The following RBFOX1 variants were observed in gnomAD, a reference collection of about 807,000 sequenced individuals.
RBFOX1 encodes the protein RNA binding protein fox-1 homolog 1.
RBFOX1 carries 8 observed loss-of-function variants against 57.7 expected under a neutral mutation model. That is an observed-to-expected ratio of 0.14 (90% CI 0.08 to 0.25). The LOEUF (loss-of-function observed/expected upper bound fraction) is 0.25. Ranked by LOEUF, RBFOX1 falls within the 10% of genes least tolerant of loss-of-function variation. The probability of loss-of-function intolerance (pLI) is 1.00; values close to 1 mark genes in which losing one functional copy is unlikely to be tolerated. For synonymous variants in RBFOX1, 326 were observed against 222.4 expected (o/e 1.47, Z -4.15); for missense variants, 611 against 548.5 (o/e 1.11, Z -1.14).
chr16:5,637,909 T>G (rs1184583227), intron 3 of RBFOX1, among the ~76,000 whole-genome samples: 1 of 152,188 alleles, frequency 6.6e-6, no homozygotes, highest in Non-Finnish European at 1.5e-5. Context: ...CCTGTTTCCT[T>G]GGCCAAGCAC....
intron 1 of RBFOX1, among the ~76,000 whole-genome samples, chr16:6,161,453 T>C (rs568016941): frequency 6.6e-6 from 1 of 151,548 alleles, no homozygotes; most frequent in East Asian, 1.9e-4. Flanking sequence ...CTCCATCCCA[T>C]TGGCTGGGGC....
At chr16:6,817,721 C>A (rs1256238759) in intron 3 of RBFOX1, among the ~76,000 whole-genome samples, 15 of 151,020 alleles carry the variant, frequency 9.9e-5, no homozygotes, top group Admixed American at 5.9e-4. Context: ...AAAAAACAAA[C>A]AAAAAAAACT....
intron 4 of RBFOX1, among the ~76,000 whole-genome samples, chr16:7,515,767 C>T (rs1167307371): frequency 6.6e-6 from 1 of 152,166 alleles, no homozygotes; most frequent in African/African-American, 2.4e-5. Context: ...CTCTGTTCCT[C>T]AGTTTCTTCT....
intron 1 of RBFOX1, among the ~76,000 whole-genome samples, chr16:6,142,422 C>T (rs943257523): frequency 2.0e-5 from 3 of 151,822 alleles, no homozygotes; most frequent in Non-Finnish European, 2.9e-5. Context: ...GGGGTTTCAC[C>T]ATGTTAGCCA....
chr16:7,178,026 G>T (rs968481979), intron 4 of RBFOX1, among the ~76,000 whole-genome samples: 1 of 152,148 alleles, frequency 6.6e-6, no homozygotes, highest in African/African-American at 2.4e-5. Context: ...GAGAGTAAAG[G>T]CCAGCCATGT....
intron 3 of RBFOX1, among the ~76,000 whole-genome samples, chr16:6,802,626 G>C (rs538501321): frequency 6.6e-6 from 1 of 152,296 alleles, no homozygotes; most frequent in East Asian, 1.9e-4. Flanking sequence ...GCAGTGAGTT[G>C]AGATTGTGCT....
intron 1 of RBFOX1, among the ~76,000 whole-genome samples, chr16:6,083,019 T>TTTTTG (rs2096029130): frequency 6.6e-6 from 1 of 151,780 alleles, no homozygotes; most frequent in South Asian, 2.1e-4. Flanking sequence ...TGTTTGTTTT[T>TTTTTG]TAGATGGAGT....
chr16:6,395,483 G>C (rs1434439106), intron 2 of RBFOX1, among the ~76,000 whole-genome samples: 1 of 151,620 alleles, frequency 6.6e-6, no homozygotes, highest in Non-Finnish European at 1.5e-5. Flanking sequence ...TGGTTGTTTT[G>C]ACCTTTTTCT....
intron 1 of RBFOX1, among the ~76,000 whole-genome samples, chr16:6,202,904 C>T (rs1425809298): frequency 6.6e-6 from 1 of 152,116 alleles, no homozygotes; most frequent in African/African-American, 2.4e-5. Flanking sequence ...TCCCAAGTAG[C>T]TGGGACTACA....
At chr16:5,362,589 C>T (rs530459934) in intron 1 of RBFOX1, among the ~76,000 whole-genome samples, 25 of 152,156 alleles carry the variant, frequency 1.6e-4, no homozygotes, top group Admixed American at 3.3e-4. Context: ...CTTGAACTCC[C>T]GACCTCAGGT....
At chr16:5,875,173 C>T (rs569291321) in intron 4 of RBFOX1, among the ~76,000 whole-genome samples, 2 of 152,298 alleles carry the variant, frequency 1.3e-5, no homozygotes, top group African/African-American at 2.4e-5. Flanking sequence ...CACATGTGAA[C>T]GGAGTCCCAA....
At chr16:6,183,803 G>A (rs1470156011) in intron 1 of RBFOX1, among the ~76,000 whole-genome samples, 3 of 152,188 alleles carry the variant, frequency 2.0e-5, no homozygotes, top group African/African-American at 2.4e-5. Flanking sequence ...CATGAGGTGA[G>A]TGTTAGCTGG....
chr16:6,082,231 A>G (rs1597119589), intron 1 of RBFOX1, among the ~76,000 whole-genome samples: 1 of 120,168 alleles, frequency 8.3e-6, no homozygotes. Context: ...CCCAGGCTGG[A>G]GTGTAGTGGT....
chr16:7,114,588 C>G lies in RBFOX1; in HGVS notation c.27+62490C>G, dbSNP rs541162209. On this transcript the variant is annotated intron_variant, in intron 4 of 15. Coordinates refer to ENST00000550418, the MANE Select transcript of RBFOX1 (RefSeq NM_018723.4). ...AATACCATCTATTTATCTCCTCTAG[C>G]CCAAGATCTTTCTCTTCTGTCATTT... Among the ~76,000 whole-genome samples the G allele has an allele frequency of 1.3e-4, 20 of 152,292 alleles. 1 individual carries two copies. The South Asian group carries it at 3.9e-3, about 30-fold the overall frequency.
intron 2 of RBFOX1, chr16:5,598,862 C>T: frequency 2.1e-6 from 3 of 1,434,682 alleles, no homozygotes; most frequent in Non-Finnish European, 2.8e-6. Flanking sequence ...CTCAACCCGG[C>T]TTCCCCAACC....
intron 4 of RBFOX1, among the ~76,000 whole-genome samples, chr16:7,398,745 A>G (rs1237351455): frequency 1.3e-5 from 2 of 152,220 alleles, no homozygotes; most frequent in African/African-American, 4.8e-5. Flanking sequence ...GTCTGACTAC[A>G]AATCCCAGCT....
chr16:7,116,426 G>T (rs777497509), intron 4 of RBFOX1, among the ~76,000 whole-genome samples: 16 of 152,198 alleles, frequency 1.1e-4, no homozygotes, highest in Non-Finnish European at 1.6e-4. Context: ...GCAGTGAAAT[G>T]CACCAACATC....
chr16:5,591,343 C>T (rs1300480343), intron 2 of RBFOX1, among the ~76,000 whole-genome samples: 1 of 151,742 alleles, frequency 6.6e-6, no homozygotes, highest in East Asian at 1.9e-4. Flanking sequence ...CATCTGCCTC[C>T]TGGGTTCAAG....
intron 2 of RBFOX1, among the ~76,000 whole-genome samples, chr16:6,532,509 A>T (rs1366225256): frequency 6.6e-6 from 1 of 152,112 alleles, no homozygotes; most frequent in Admixed American, 6.5e-5. Flanking sequence ...CATTGTTTCT[A>T]TTAGGGCTGT....
Sources: gnomAD v4.1 joint callset for allele counts (sites outside exome capture counted in the v4.1 genomes callset) on GRCh38, gnomAD v4.1.1 for gene constraint, MANE v1.5 for transcripts, NCBI Gene and HGNC (gene_info 2026-07-23, HGNC 2026-07-21) for gene names.